MBNL1: variants seen among roughly 807,000 people sequenced by gnomAD.
MBNL1 encodes the protein muscleblind-like protein 1.
A neutral mutation model predicts 42.2 loss-of-function variants in MBNL1; 8 were observed. The observed-to-expected ratio is 0.19, with a 90% CI of 0.11 to 0.34. The LOEUF (loss-of-function observed/expected upper bound fraction) is 0.34, where lower values mean the gene tolerates loss of function less well. Ranked by LOEUF, MBNL1 falls within the 10% of genes least tolerant of loss-of-function variation. MBNL1 has a pLI of 1.00. For missense variants in MBNL1, 309 were observed against 495.3 expected (o/e 0.62, Z 3.57); for synonymous variants, 169 against 173.9 (o/e 0.97, Z 0.22).
chr3:152,384,707 T>C (rs1474361178), intron 2 of MBNL1, among the ~76,000 whole-genome samples: 1 of 152,156 alleles, frequency 6.6e-6, no homozygotes, highest in African/African-American at 2.4e-5. Flanking sequence ...ATGTTTGTTT[T>C]CCAACTTTTG....
At chr3:152,314,188 AT>A (rs1161968248) in intron 2 of MBNL1, among the ~76,000 whole-genome samples, 1 of 151,960 alleles carries the variant, frequency 6.6e-6, no homozygotes, top group East Asian at 1.9e-4. Context: ...ATTCTTTTCT[AT>A]TTTTTTATAC....
intron 2 of MBNL1, among the ~76,000 whole-genome samples, chr3:152,320,516 C>T (rs1428904604): frequency 6.6e-6 from 1 of 151,998 alleles, no homozygotes; most frequent in Non-Finnish European, 1.5e-5. Context: ...ATAAATTGGC[C>T]TGTGCAGTGA....
chr3:152,406,984 G>A (rs952613419), intron 2 of MBNL1, among the ~76,000 whole-genome samples: 1 of 151,920 alleles, frequency 6.6e-6, no homozygotes, highest in African/African-American at 2.4e-5. Flanking sequence ...AATAGGCTGT[G>A]TGTGTATTTG....
intron 5 of MBNL1, among the ~76,000 whole-genome samples, chr3:152,446,351 CGA>C (rs1214765978): frequency 1.3e-5 from 2 of 151,890 alleles, no homozygotes. Context: ...GAAATAATCA[CGA>C]GAGAGATCTT....
intron 6 of MBNL1, among the ~76,000 whole-genome samples, chr3:152,454,393 C>T (rs2018814): frequency 0.01 from 1,581 of 152,180 alleles, 30 homozygotes; most frequent in Non-Finnish European, 0.012. Context: ...AACAAATGTT[C>T]GTCCCAGATG....
rs562304581 is a variant in MBNL1, at chr3:152,392,071, A to G, written c.175-22870A>G. Among the ~76,000 whole-genome samples the G allele has an allele frequency of 6.9e-4, 92 of 133,836 alleles. 1 individual carries two copies. The highest frequency in any genetic ancestry group is 1.2e-3 in the Non-Finnish European group (74 of 60,278). 87.8% of individuals were successfully genotyped at this position (133,836 alleles called of 152,430 possible). A position where few individuals can be genotyped will look rare whatever the true frequency, so the allele number is the denominator to read the frequency against. On this transcript the variant is annotated intron_variant, in intron 2 of 9. Transcript: ENST00000324210. ...ACAGAGCTCATCATTAAGTCCTGTCATTTTGTGCAAAAAAAAAAAGTATGA... is the reference window on the plus strand; with the variant it reads ...ACAGAGCTCATCATTAAGTCCTGTCGTTTTGTGCAAAAAAAAAAAGTATGA...
At chr3:152,287,935 A>G (rs1372233087) in intron 1 of MBNL1, among the ~76,000 whole-genome samples, 2 of 152,220 alleles carry the variant, frequency 1.3e-5, no homozygotes, top group East Asian at 1.9e-4. Context: ...ATTGTTTTCT[A>G]TTTAGCAAAG....
At chr3:152,435,653 C>G (rs937760979) in intron 4 of MBNL1, among the ~76,000 whole-genome samples, 4 of 152,020 alleles carry the variant, frequency 2.6e-5, no homozygotes, top group Admixed American at 6.6e-5. Flanking sequence ...TTTAATGTTA[C>G]TGATTCTTCC....
rs1371743443 is a variant in MBNL1 at position 152,324,564 on chromosome 3, A to G, written c.174+24197A>G. 7.7e-4 allele frequency among the ~76,000 whole-genome samples: 117 copies of G among 152,354 alleles called. 1 individual carries two copies. The highest frequency in any genetic ancestry group is 7.7e-3 in the Admixed American group (117 of 15,284). On this transcript the variant is annotated intron_variant, in intron 2 of 9. Transcript: ENST00000324210. ...CTTTGGAAATTGGCAGATGGCAACC[A>G]TAGTTCTCTCCTAGACAACCACTTA...
chr3:152,358,835 C>G (rs571586133), intron 2 of MBNL1, among the ~76,000 whole-genome samples: 1 of 152,008 alleles, frequency 6.6e-6, no homozygotes. Context: ...GTCTCAAACT[C>G]CTGGGCTCAA....
chr3:152,302,887 C>G lies in MBNL1; in HGVS notation c.174+2520C>G, dbSNP rs558088189. Among the ~76,000 whole-genome samples the G allele has an allele frequency of 3.3e-5, 5 of 152,126 alleles. No homozygotes were observed. The South Asian group carries it at 1.0e-3, about 32-fold the overall frequency. On this transcript the variant is annotated intron_variant, in intron 2 of 9. Coordinates refer to ENST00000324210, the MANE Select transcript of MBNL1 (RefSeq NM_021038.5). The stretch of plus-strand genomic sequence containing the variant: ...TACTATTTTTAGAAAGTTAGGAAAG[C>G]AAACCAAATACTCTCTGAGAGGACC...
intron 1 of MBNL1, among the ~76,000 whole-genome samples, chr3:152,276,456 G>C (rs2045261608): frequency 6.6e-6 from 1 of 152,178 alleles, no homozygotes; most frequent in South Asian, 2.1e-4. Context: ...CCCAGCTTTA[G>C]AATCCATGCT....
intron 2 of MBNL1, chr3:152,338,076 C>A: frequency 1.1e-6 from 1 of 941,412 alleles, no homozygotes; most frequent in Non-Finnish European, 1.3e-6. Context: ...CCATAAATGC[C>A]GTAGGCATGC....
intron 4 of MBNL1, among the ~76,000 whole-genome samples, chr3:152,442,185 C>T (rs2099153984): frequency 6.6e-6 from 1 of 152,076 alleles, no homozygotes; most frequent in African/African-American, 2.4e-5. Flanking sequence ...TGCCTATAGT[C>T]ATGGATATAT....
rs1486418794 is a variant in MBNL1 at position 152,299,901 on chromosome 3, T to C, written c.-293T>C. 1.2e-5 allele frequency: 5 copies of C among 426,982 alleles called. No individual in the cohort carries two copies. The East Asian group carries it at 1.7e-4, about 15-fold the overall frequency. The allele number at this position is 426,982 out of a possible 1,614,324, so 26.4% of individuals were successfully genotyped here. A position where few individuals can be genotyped will look rare whatever the true frequency, so the allele number is the denominator to read the frequency against. Reference sequence around the variant, plus strand: ...GAAGGGGTTACTGAGAGCACAAGGCTGATACCAGGCCCTACTTTTAAACGT... The same window carrying C: ...GAAGGGGTTACTGAGAGCACAAGGCCGATACCAGGCCCTACTTTTAAACGT... On this transcript the variant is annotated 5_prime_UTR_variant, in exon 2 of 10. Coordinates refer to ENST00000324210, the MANE Select transcript of MBNL1 (RefSeq NM_021038.5).
At chr3:152,323,221 A>G (rs906675810) in intron 2 of MBNL1, among the ~76,000 whole-genome samples, 5 of 152,150 alleles carry the variant, frequency 3.3e-5, no homozygotes, top group Non-Finnish European at 7.4e-5. Flanking sequence ...TAAATGATAA[A>G]GGAACTTAAA....
At chr3:152,362,765 A>G (rs1176707117) in intron 2 of MBNL1, among the ~76,000 whole-genome samples, 16 of 152,184 alleles carry the variant, frequency 1.1e-4, no homozygotes, top group Admixed American at 1.0e-3. Context: ...AGTTGCAGAC[A>G]TTTAACAGTT....
chr3:152,355,916 G>A (rs1014386715), intron 2 of MBNL1, among the ~76,000 whole-genome samples: 5 of 152,196 alleles, frequency 3.3e-5, no homozygotes, highest in Non-Finnish European at 5.9e-5. Context: ...TGTGCAACAT[G>A]TGTTGTGCCA....
At chr3:152,319,370 A>G (rs1372435843) in intron 2 of MBNL1, among the ~76,000 whole-genome samples, 2 of 152,130 alleles carry the variant, frequency 1.3e-5, no homozygotes, top group Non-Finnish European at 2.9e-5. Flanking sequence ...TTTTACAGAT[A>G]GGGAACCAAG....
Sources: allele counts gnomAD v4.1 joint callset (sites outside exome capture counted in the v4.1 genomes callset), GRCh38; gene constraint gnomAD v4.1.1; transcripts MANE v1.5; gene names NCBI Gene and HGNC (gene_info 2026-07-23, HGNC 2026-07-21).